Variants in SETX observed in about 807,000 individuals in gnomAD.
The protein encoded by SETX is helicase senataxin.
A neutral mutation model predicts 227.2 loss-of-function variants in SETX; 90 were observed. The ratio of observed to expected loss-of-function variants is 0.40; its 90% confidence interval spans 0.33 to 0.47. The LOEUF is 0.47. SETX is among the 20% of genes least tolerant of loss of function. The probability of loss-of-function intolerance (pLI) is 0.91; values close to 1 mark genes in which losing one functional copy is unlikely to be tolerated. For synonymous variants in SETX, 1,210 were observed against 1,113.2 expected (o/e 1.09, Z -1.73); for missense variants, 3,052 against 3,181.5 (o/e 0.96, Z 0.98).
At chr9:132,338,540 T>C (rs1474683883) in intron 5 of SETX, among the ~76,000 whole-genome samples, 1 of 151,838 alleles carries the variant, frequency 6.6e-6, no homozygotes, top group Non-Finnish European at 1.5e-5. Flanking sequence ...TAACTAGAGG[T>C]TTTGCAAATG....
chr9:132,343,266 C>T lies in SETX; in HGVS notation c.389-467G>A, dbSNP rs559537225. On this transcript the variant is annotated intron_variant, in intron 4 of 25. Coordinates refer to ENST00000224140, the MANE Select transcript of SETX (RefSeq NM_015046.7). Reference sequence around the variant, plus strand: ...CCCAGGAGGTGGAGGTTGCAGTGAGCTGAGATCATGCCATTACACTCCAGC... The same window carrying T: ...CCCAGGAGGTGGAGGTTGCAGTGAGTTGAGATCATGCCATTACACTCCAGC... Among the ~76,000 whole-genome samples the T allele has an allele frequency of 6.6e-5, 10 of 152,264 alleles. No individual in the cohort carries two copies. In the East Asian group the frequency reaches 1.7e-3, roughly 26 times the overall value.
intron 11 of SETX, among the ~76,000 whole-genome samples, chr9:132,305,454 T>C (rs1452636876): frequency 6.6e-6 from 1 of 151,712 alleles, no homozygotes; most frequent in Non-Finnish European, 1.5e-5. Flanking sequence ...GGATATTTAC[T>C]CATTACAAAT....
At position 132,349,270 on chromosome 9, in the gene SETX, T is replaced by C. The variant is rs2131575185; in HGVS notation, c.159A>G (p.Glu53=). 1.2e-6 allele frequency: 2 copies of C among 1,614,092 alleles called. No homozygotes were observed. Among genetic ancestry groups the C allele is most frequent in the Middle Eastern group, 1.7e-4 (1 of 6,014 alleles). Residue 53 remains glutamate (E), a synonymous_variant, in exon 3 of 26, where the codon GAA becomes GAG. Transcript: ENST00000224140. ...CVAEYHKARD[E]LPFLHEVLWE... is the part of the protein sequence containing the mutation. ...ATTTTACCTCATGCAAGAATGGCAATTCATCTCTTGCTTTGTGGTACTCAG... is the reference window on the plus strand; with the variant it reads ...ATTTTACCTCATGCAAGAATGGCAACTCATCTCTTGCTTTGTGGTACTCAG...
At position 132,275,338 on chromosome 9, in the gene SETX, G is replaced by T; in HGVS notation, c.7018C>A (p.Arg2340=). 6.2e-7 allele frequency: 1 copy of T among 1,612,834 alleles called. No individual in the cohort carries two copies. Among genetic ancestry groups the T allele is most frequent in the South Asian group, 1.1e-5 (1 of 91,010 alleles). The change falls in exon 23 of 26, where the codon CGA becomes AGA. Residue 2340 remains arginine (R), a synonymous_variant. Coordinates refer to ENST00000224140, the MANE Select transcript of SETX (RefSeq NM_015046.7). The stretch of plus-strand genomic sequence containing the variant: ...TAATGAGTTATTATGCCAATGTTTC[G>T]AAAACTAACATCCTTTCTTTTGTCT... ...IKDKRKDVSF[R]NIGIITHYKA...
chr9:132,331,961 A>C (rs181387586), intron 7 of SETX, among the ~76,000 whole-genome samples: 81 of 152,372 alleles, frequency 5.3e-4, no homozygotes, highest in African/African-American at 1.6e-3. Context: ...TCACGCATCT[A>C]GTGTAAATGA....
intron 14 of SETX, 66 bp from the exon 15 acceptor site, chr9:132,296,094 G>A: frequency 1.9e-6 from 3 of 1,578,712 alleles, no homozygotes; most frequent in Non-Finnish European, 8.7e-7. Flanking sequence ...CTATTACATA[G>A]CTTTAAAGTT....
chr9:132,309,858 T>C (rs1447078698), intron 11 of SETX, among the ~76,000 whole-genome samples: 2 of 152,058 alleles, frequency 1.3e-5, no homozygotes, highest in Non-Finnish European at 2.9e-5. Flanking sequence ...AGAATGTAAT[T>C]TGCAACCTGT....
At position 132,330,035 on chromosome 9, in the gene SETX, C is replaced by T; in HGVS notation, c.1563G>A (p.Leu521=). The T allele has an allele frequency of 6.2e-7, 1 of 1,614,098 alleles. No individual in the cohort carries two copies. The highest frequency in any genetic ancestry group is 1.3e-5 in the African/African-American group (1 of 75,056). ...CSKGTAMISS[L]SLHSMPSNSV... is the part of the protein sequence containing the mutation. Reference sequence around the variant, plus strand: ...AGTTAGATGGCATGGAATGCAATGACAGTGAAGATATCATTGCTGTTCCTT... The same window carrying T: ...AGTTAGATGGCATGGAATGCAATGATAGTGAAGATATCATTGCTGTTCCTT... Residue 521 remains leucine (L), a synonymous_variant, in exon 10 of 26, where the codon CTG becomes CTA. Coordinates refer to ENST00000224140, the MANE Select transcript of SETX (RefSeq NM_015046.7).
rs114158131 is a variant in SETX, at chr9:132,307,502, G to A, written c.5374+4255C>T. Reference sequence around the variant, plus strand: ...AGCAAGGCTCCTTAGAAAACTGTAAGCTCAGTTATGGGATAAAAACAATAT... The same window carrying A: ...AGCAAGGCTCCTTAGAAAACTGTAAACTCAGTTATGGGATAAAAACAATAT... On this transcript the variant is annotated intron_variant, in intron 11 of 25. Transcript: ENST00000224140. Among the ~76,000 whole-genome samples the A allele has an allele frequency of 4.2e-3, 638 of 152,088 alleles. 4 individuals are homozygous for A. Among genetic ancestry groups the A allele is most frequent in the African/African-American group, 0.015 (617 of 41,498 alleles).
Position 132,342,788 on chromosome 9 carries a change from C to T in SETX, c.400G>A (p.Val134Ile). The T allele has an allele frequency of 6.2e-7, 1 of 1,613,002 alleles. No homozygotes were observed. Among genetic ancestry groups the T allele is most frequent in the Admixed American group, 1.7e-5 (1 of 60,016 alleles). The change falls in exon 5 of 26, where the codon GTT becomes ATT. Residue 134 changes from valine to isoleucine, a missense_variant. Coordinates refer to ENST00000224140, the MANE Select transcript of SETX (RefSeq NM_015046.7). Reference sequence around the variant, plus strand: ...TGTTCCATCCGACAAAGTGCTTCAACACATAACTCGTCTAAAAAGAAAAAA... The same window carrying T: ...TGTTCCATCCGACAAAGTGCTTCAATACATAACTCGTCTAAAAAGAAAAAA... Reference protein sequence around the residue: ...LLHERVNELCVEALCRMEQAN... With the variant: ...LLHERVNELCIEALCRMEQAN...
chr9:132,282,933 T>C, intron 19 of SETX: 1 of 361,456 alleles, frequency 2.8e-6, no homozygotes, highest in Non-Finnish European at 5.4e-6. Context: ...GTGAACATAC[T>C]GTGGCTCAAA....
In SETX at chr9:132,342,780, T is replaced by C; in HGVS notation, c.408A>G (p.Ala136=). ...AATTGGCTTGTTCCATCCGACAAAG[T>C]GCTTCAACACATAACTCGTCTAAAA... The part of the protein sequence containing the change: ...HERVNELCVE[A]LCRMEQANCS... The change falls in exon 5 of 26, where the codon GCA becomes GCG. Residue 136 remains alanine, a synonymous_variant. Transcript: ENST00000224140. 6.2e-7 allele frequency: 1 copy of C among 1,613,622 alleles called. No homozygotes were observed. Among genetic ancestry groups the C allele is most frequent in the Non-Finnish European group, 8.5e-7 (1 of 1,179,660 alleles).
chr9:132,329,688 C>A lies in SETX; in HGVS notation c.1910G>T (p.Cys637Phe), dbSNP rs758089994. The A allele has an allele frequency of 6.2e-7, 1 of 1,613,980 alleles. No individual in the cohort carries two copies. Among genetic ancestry groups the A allele is most frequent in the Admixed American group, 1.7e-5 (1 of 59,996 alleles). The change falls in exon 10 of 26, where the codon TGT becomes TTT. Residue 637 changes from cysteine (C) to phenylalanine (F), a missense_variant. Coordinates refer to ENST00000224140, the MANE Select transcript of SETX (RefSeq NM_015046.7). ...AAATGTTGGGCTGGAAGCTTCCAAA[C>A]AATGCATATCTTTTCTAGACGTCTT... is the stretch of plus-strand genomic sequence containing the variant. ...MGKTSRKDMH[C>F]LEASSPTFSK...
chr9:132,355,807 T>G (rs1362444316), upstream of SETX, among the ~76,000 whole-genome samples: 2 of 151,974 alleles, frequency 1.3e-5, no homozygotes, highest in Non-Finnish European at 2.9e-5. Flanking sequence ...ACCAACATGG[T>G]GAAACTCCGT....
At chr9:132,340,898 C>T (rs1187768684) in intron 5 of SETX, among the ~76,000 whole-genome samples, 1 of 152,162 alleles carries the variant, frequency 6.6e-6, no homozygotes, top group Non-Finnish European at 1.5e-5. Flanking sequence ...TCTCCCACAG[C>T]CCATTTTATT....
intron 11 of SETX, among the ~76,000 whole-genome samples, chr9:132,301,668 C>T (rs7030800): frequency 0.14 from 21,577 of 152,174 alleles, 2,162 homozygotes; most frequent in East Asian, 0.42. Context: ...GTAGGCTACA[C>T]CGCCTAGGTT....
chr9:132,269,713 A>C lies in SETX; in HGVS notation c.7200-11T>G. 1 of 1,613,134 alleles carries C rather than the reference A, an allele frequency of 6.2e-7. No individual in the cohort carries two copies. Among genetic ancestry groups the C allele is most frequent in the Non-Finnish European group, 8.5e-7 (1 of 1,179,532 alleles). ...AAACTTGCCAGGAATCTAGGCAATA[A>C]AAAAAGAGTTCCTTCTTTGTCTAGA... On this transcript the variant is annotated splice_polypyrimidine_tract_variant and intron_variant, in intron 24 of 25. Transcript: ENST00000224140.
Position 132,269,408 on chromosome 9 carries a change from G to A in SETX, c.7287+207C>T, listed in dbSNP as rs45490698. On this transcript the variant is annotated intron_variant, in intron 25 of 25. Coordinates refer to ENST00000224140, the MANE Select transcript of SETX (RefSeq NM_015046.7). ...ATTTGTTTTAAAATGGTCACCTTGA[G>A]AGCCCAGTGTAGATACTTGGGTTCT... 6.3e-3 allele frequency: 9,782 copies of A among 1,559,546 alleles called. 55 individuals are homozygous for A. The highest frequency in any genetic ancestry group is 7.0e-3 in the Non-Finnish European group (8,013 of 1,146,214).
chr9:132,305,868 GGTCTAATTAGCTCTTA>G (rs1459156056), intron 11 of SETX, among the ~76,000 whole-genome samples: 45 of 152,152 alleles, frequency 3.0e-4, no homozygotes, highest in Non-Finnish European at 5.9e-4. Flanking sequence ...ATATGAATAA[GGTCTAATTAGCTCTTA>G]GTCTACACCA....
Sources: gnomAD v4.1 joint callset for allele counts (sites outside exome capture counted in the v4.1 genomes callset) on GRCh38, gnomAD v4.1.1 for gene constraint, MANE v1.5 for transcripts, NCBI Gene and HGNC (gene_info 2026-07-23, HGNC 2026-07-21) for gene names.